GTPBP10: variants seen among roughly 807,000 people sequenced by gnomAD.
GTPBP10 encodes the protein GTP-binding protein 10.
A neutral mutation model predicts 44.8 loss-of-function variants in GTPBP10; 38 were observed. The observed-to-expected ratio is 0.85, with a 90% CI of 0.65 to 1.11. The LOEUF is 1.11. Ranked by LOEUF, GTPBP10 falls within the 50% of genes most tolerant of loss-of-function variation. The pLI, the probability that GTPBP10 is intolerant of heterozygous loss-of-function variation, is 0.00. For synonymous variants in GTPBP10, 152 were observed against 150.6 expected (o/e 1.01, Z -0.07); for missense variants, 462 against 453.7 (o/e 1.02, Z -0.17).
chr7:90,379,968 T>A (rs999464612), intron 8 of GTPBP10, among the ~76,000 whole-genome samples: 38 of 152,334 alleles, frequency 2.5e-4, no homozygotes, highest in African/African-American at 8.9e-4. Flanking sequence ...TCTGTGTCTT[T>A]GGAGAAAAGT....
intron 7 of GTPBP10, chr7:90,377,929 TA>T (rs1283816860): frequency 2.1e-6 from 1 of 471,710 alleles, no homozygotes; most frequent in African/African-American, 2.1e-5. Flanking sequence ...CCTAGTTTTT[TA>T]TTTTATTAAT....
chr7:90,362,288 C>G (rs2115669129), intron 4 of GTPBP10, among the ~76,000 whole-genome samples: 2 of 152,186 alleles, frequency 1.3e-5, no homozygotes, highest in Middle Eastern at 3.4e-3. Context: ...AAATTTCCCT[C>G]TACACACTGC....
intron 6 of GTPBP10, 22 bp downstream of exon 6, chr7:90,374,376 C>CA (rs759773370): frequency 3.7e-5 from 55 of 1,484,934 alleles, no homozygotes; most frequent in Non-Finnish European, 2.2e-5. Flanking sequence ...TAAAGTAAAA[C>CA]ACTATATTAG....
At chr7:90,361,116 AC>A (rs1425627014) in intron 4 of GTPBP10, among the ~76,000 whole-genome samples, 1 of 152,046 alleles carries the variant, frequency 6.6e-6, no homozygotes, top group Non-Finnish European at 1.5e-5. Context: ...CTAATTGAAT[AC>A]CCTTTATTTC....
chr7:90,361,729 G>T (rs28874962), intron 4 of GTPBP10, among the ~76,000 whole-genome samples: 105 of 152,256 alleles, frequency 6.9e-4, no homozygotes, highest in African/African-American at 2.3e-3. Context: ...TTGTACCTCT[G>T]GTAGAATTTG....
Position 90,353,010 on chromosome 7 carries a change from G to A in GTPBP10, c.227+1G>A, listed in dbSNP as rs1325174375. On this transcript the variant is annotated splice_donor_variant, in intron 2 of 9. Coordinates refer to ENST00000222511, the MANE Select transcript of GTPBP10 (RefSeq NM_033107.4). LOFTEE classifies it high-confidence loss of function. ...TGGCTGGAGTAGGAGCAAACAGCAA[G>A]TAAGTAATTACTGAATGACTTAAAT... 5 of 1,560,752 alleles carry A rather than the reference G, an allele frequency of 3.2e-6. No homozygotes were observed. The highest frequency in any genetic ancestry group is 3.7e-5 in the Admixed American group (2 of 53,984).
intron 8 of GTPBP10, among the ~76,000 whole-genome samples, chr7:90,380,896 T>TC (rs1174293669): frequency 2.0e-5 from 3 of 152,202 alleles, no homozygotes; most frequent in Non-Finnish European, 4.4e-5. Context: ...TATTTTTTTT[T>TC]CTGTGCTTGG....
At chr7:90,348,513 A>C (rs1314185290) in intron 1 of GTPBP10, among the ~76,000 whole-genome samples, 3 of 152,118 alleles carry the variant, frequency 2.0e-5, no homozygotes, top group Admixed American at 6.5e-5. Flanking sequence ...AAATATATTT[A>C]CTGTTCATTA....
chr7:90,350,108 TC>T (rs564616464), intron 1 of GTPBP10, among the ~76,000 whole-genome samples: 1 of 152,010 alleles, frequency 6.6e-6, no homozygotes, highest in African/African-American at 2.4e-5. Flanking sequence ...TGTGTGATGT[TC>T]CCCCCGTGTC....
chr7:90,353,427 C>T (rs1795834115), intron 2 of GTPBP10, among the ~76,000 whole-genome samples: 1 of 152,198 alleles, frequency 6.6e-6, no homozygotes, highest in Non-Finnish European at 1.5e-5. Flanking sequence ...TGTGTTTACA[C>T]AAATGCAATT....
intron 4 of GTPBP10, among the ~76,000 whole-genome samples, chr7:90,360,839 A>G (rs944699798): frequency 2.0e-5 from 3 of 151,952 alleles, no homozygotes; most frequent in Non-Finnish European, 4.4e-5. Context: ...TGGTTCTTGA[A>G]GAGGTCCTTC....
intron 9 of GTPBP10, among the ~76,000 whole-genome samples, 190 bp from the exon 10 acceptor site, chr7:90,384,702 G>C (rs1320060434): frequency 6.6e-6 from 1 of 151,724 alleles, no homozygotes; most frequent in African/African-American, 2.4e-5. Context: ...TAACAAGTAT[G>C]TTATGTGCCA....
At chr7:90,383,819 CTG>C (rs1316933312) in intron 9 of GTPBP10, 1 of 152,196 alleles carries the variant, frequency 6.6e-6, no homozygotes, top group Non-Finnish European at 1.5e-5. Context: ...CAATATGTCT[CTG>C]TTTTTATTCT....
intron 8 of GTPBP10, among the ~76,000 whole-genome samples, chr7:90,378,973 G>T (rs1398843251): frequency 6.6e-6 from 1 of 152,150 alleles, no homozygotes; most frequent in Non-Finnish European, 1.5e-5. Context: ...AGAGTGTTGG[G>T]ATTACAGGTG....
chr7:90,380,790 T>A (rs769712628), intron 8 of GTPBP10, among the ~76,000 whole-genome samples: 2 of 152,148 alleles, frequency 1.3e-5, no homozygotes, highest in African/African-American at 2.4e-5. Context: ...CCAACACCCC[T>A]CCATCTTCCT....
chr7:90,375,486 TAAA>T (rs1796329754), intron 6 of GTPBP10, among the ~76,000 whole-genome samples: 1 of 151,928 alleles, frequency 6.6e-6, no homozygotes, highest in Non-Finnish European at 1.5e-5. Context: ...TAAAGAAACA[TAAA>T]AAAGTATTTG....
At chr7:90,369,751 A>T (rs1212546204) in intron 4 of GTPBP10, among the ~76,000 whole-genome samples, 1 of 152,086 alleles carries the variant, frequency 6.6e-6, no homozygotes, top group Non-Finnish European at 1.5e-5. Context: ...AGGAAAGGAA[A>T]ATCCCCCGAT....
chr7:90,374,819 TA>T (rs374724850), intron 6 of GTPBP10, among the ~76,000 whole-genome samples: 3 of 151,948 alleles, frequency 2.0e-5, no homozygotes, highest in East Asian at 3.8e-4. Context: ...AGAAAAAAAC[TA>T]AAAAAAGGAA....
chr7:90,373,286 A>G (rs1796291374), intron 5 of GTPBP10, among the ~76,000 whole-genome samples: 1 of 152,206 alleles, frequency 6.6e-6, no homozygotes, highest in South Asian at 2.1e-4. Context: ...TTTGCTCCTC[A>G]CAGAGATCTC....
Sources: gnomAD v4.1 joint callset for allele counts (sites outside exome capture counted in the v4.1 genomes callset) on GRCh38, gnomAD v4.1.1 for gene constraint, MANE v1.5 for transcripts, NCBI Gene and HGNC (gene_info 2026-07-23, HGNC 2026-07-21) for gene names.